FARS2: variants seen among roughly 807,000 people sequenced by gnomAD.
FARS2 encodes the protein phenylalanyl-tRNA synthetase 2, mitochondrial, also known as phenylalanine--tRNA ligase, mitochondrial.
Under a neutral mutation model 46.4 loss-of-function variants are expected in FARS2, and 40 were observed. That is an observed-to-expected ratio of 0.86 (90% CI 0.67 to 1.12). FARS2 has a LOEUF of 1.12. FARS2 is among the 50% of genes most tolerant of loss of function. The pLI, the probability that FARS2 is intolerant of heterozygous loss-of-function variation, is 0.00. For missense variants in FARS2, 513 were observed against 567.9 expected, an observed-to-expected ratio of 0.90 and a Z score of 0.98; for synonymous variants, 234 against 214.9, an observed-to-expected ratio of 1.09 and a Z score of -0.78.
Position 5,341,579 on chromosome 6 carries a change from C to T in FARS2, c.-21-26971C>T, listed in dbSNP as rs556339181. ...TGTTGCCCAGGCTGGAGTGCAGTGG[C>T]GTGATCTTGGCTCACTACAACCTCC... On this transcript the variant is annotated intron_variant, in intron 1 of 6. Transcript: ENST00000274680. Among the ~76,000 whole-genome samples the T allele has an allele frequency of 1.2e-4, 18 of 151,636 alleles. No homozygotes were observed. In the South Asian group the frequency reaches 3.1e-3, roughly 26 times the overall value.
intron 1 of FARS2, among the ~76,000 whole-genome samples, chr6:5,358,114 G>T (rs1758053677): frequency 6.6e-6 from 1 of 152,072 alleles, no homozygotes. Flanking sequence ...TAACCTGGAG[G>T]CTATTTCTTC....
At chr6:5,503,380 A>G (rs1467149932) in intron 4 of FARS2, among the ~76,000 whole-genome samples, 2 of 56,354 alleles carry the variant, frequency 3.5e-5, no homozygotes, top group African/African-American at 2.4e-4. Flanking sequence ...CTTAACACAC[A>G]CACACACACA....
intron 4 of FARS2, among the ~76,000 whole-genome samples, chr6:5,451,519 G>A (rs528938821): frequency 6.6e-6 from 1 of 152,280 alleles, no homozygotes; most frequent in Non-Finnish European, 1.5e-5. Flanking sequence ...GAAATAGCCA[G>A]TGGAGACTTT....
At chr6:5,328,430 A>G (rs1770552316) in intron 1 of FARS2, among the ~76,000 whole-genome samples, 2 of 152,146 alleles carry the variant, frequency 1.3e-5, no homozygotes, top group Non-Finnish European at 2.9e-5. Context: ...AAGACCTTGA[A>G]ATAGGCTCCT....
chr6:5,548,008 G>A (rs1198392223), intron 5 of FARS2, among the ~76,000 whole-genome samples: 1 of 152,226 alleles, frequency 6.6e-6, no homozygotes, highest in African/African-American at 2.4e-5. Flanking sequence ...GTTCCACATG[G>A]CTGGGGAGGC....
In FARS2 at chr6:5,329,490, C is replaced by T. The variant is rs76549451; in HGVS notation, c.-21-39060C>T. Among the ~76,000 whole-genome samples, 1,308 of 152,186 alleles carry T rather than the reference C, an allele frequency of 8.6e-3. 20 individuals are homozygous for T. The highest frequency in any genetic ancestry group is 0.044 in the South Asian group (211 of 4,818). Reference sequence around the variant, plus strand: ...TTAAATTTTTTTTATGTCAACCAATCATCCAAGTCTCTGGGCACCAACTGA... The same window carrying T: ...TTAAATTTTTTTTATGTCAACCAATTATCCAAGTCTCTGGGCACCAACTGA... On this transcript the variant is annotated intron_variant, in intron 1 of 6. Transcript: ENST00000274680.
At chr6:5,676,376 T>G (rs1453728796) in intron 6 of FARS2, among the ~76,000 whole-genome samples, 1 of 152,244 alleles carries the variant, frequency 6.6e-6, no homozygotes. Flanking sequence ...CATATTAGAC[T>G]GGATACATAT....
chr6:5,263,870 G>T (rs1006009805), intron 1 of FARS2, among the ~76,000 whole-genome samples: 15 of 152,136 alleles, frequency 9.9e-5, no homozygotes, highest in African/African-American at 3.4e-4. Flanking sequence ...ATATCAAAAT[G>T]ATGTATAAAG....
intron 4 of FARS2, among the ~76,000 whole-genome samples, chr6:5,488,472 C>G (rs1010019595): frequency 1.3e-4 from 20 of 152,110 alleles, no homozygotes; most frequent in African/African-American, 4.6e-4. Flanking sequence ...ATTATTTGCT[C>G]TGTACTAATA....
chr6:5,343,003 G>C lies in FARS2; in HGVS notation c.-21-25547G>C, dbSNP rs73718073. ...GCTTACTACAGGCCCGTCATCGACA[G>C]AAGGCAGCTAGTGCCTTACAAGAAA... is the stretch of plus-strand genomic sequence containing the variant. On this transcript the variant is annotated intron_variant, in intron 1 of 6. Transcript: ENST00000274680. This position sits in a 1 kb window ranked among gnomAD's most constrained non-coding sequence, Gnocchi z 4.5. Among the ~76,000 whole-genome samples the C allele has an allele frequency of 3.5e-3, 535 of 152,296 alleles. 4 individuals are homozygous for C. Among genetic ancestry groups the C allele is most frequent in the African/African-American group, 0.012 (504 of 41,574 alleles).
chr6:5,334,236 C>T (rs973469145), intron 1 of FARS2, among the ~76,000 whole-genome samples: 4 of 152,104 alleles, frequency 2.6e-5, no homozygotes, highest in African/African-American at 9.7e-5. Context: ...CACAGTGGTA[C>T]AAAGGGTGCA....
chr6:5,537,885 T>C (rs1770319886), intron 4 of FARS2, among the ~76,000 whole-genome samples: 1 of 152,194 alleles, frequency 6.6e-6, no homozygotes, highest in East Asian at 1.9e-4. Flanking sequence ...TCTCCTTTTT[T>C]TTTAAAGTTT....
intron 6 of FARS2, among the ~76,000 whole-genome samples, chr6:5,686,251 T>C (rs1757197222): frequency 6.6e-6 from 1 of 152,148 alleles, no homozygotes; most frequent in Non-Finnish European, 1.5e-5. Context: ...GTGCACAACA[T>C]GCAGGTTTGT....
chr6:5,308,468 G>A (rs988995763), intron 1 of FARS2, among the ~76,000 whole-genome samples: 1 of 152,180 alleles, frequency 6.6e-6, no homozygotes, highest in Admixed American at 6.5e-5. Flanking sequence ...ACCATCTCTG[G>A]TAAAGGGCCA....
In FARS2 at chr6:5,426,031, TC is replaced by T. The variant is rs1582069510; in HGVS notation, c.773-5008del. 3.3e-5 allele frequency among the ~76,000 whole-genome samples: 5 copies of T among 152,230 alleles called. No individual in the cohort carries two copies. The East Asian group carries it at 9.6e-4, about 29-fold the overall frequency. On this transcript the variant is annotated intron_variant, in intron 3 of 6. Transcript: ENST00000274680. ...GCTTGAACCCAGGTGTGGTTTTTTTTCCTAAAGTATACTTTCTTTTATGTGG... is the reference window on the plus strand; with the variant it reads ...GCTTGAACCCAGGTGTGGTTTTTTTTCTAAAGTATACTTTCTTTTATGTGG...
chr6:5,682,184 A>G (rs1779068168), intron 6 of FARS2, among the ~76,000 whole-genome samples: 1 of 152,238 alleles, frequency 6.6e-6, no homozygotes, highest in Admixed American at 6.5e-5. Context: ...AAATGACAAT[A>G]ACTAGGTTGC....
At chr6:5,431,523 G>A (rs1763165530) in intron 4 of FARS2, 1 of 421,144 alleles carries the variant, frequency 2.4e-6, no homozygotes, top group Admixed American at 2.8e-5. Context: ...GACTATTTAA[G>A]AACAAAGACA....
At chr6:5,718,645 T>C (rs1364083820) in intron 6 of FARS2, among the ~76,000 whole-genome samples, 1 of 152,160 alleles carries the variant, frequency 6.6e-6, no homozygotes. Flanking sequence ...TTTTACCTAA[T>C]TGAGCCAGAA....
At chr6:5,700,914 C>T (rs539377430) in intron 6 of FARS2, among the ~76,000 whole-genome samples, 1 of 152,292 alleles carries the variant, frequency 6.6e-6, no homozygotes, top group African/African-American at 2.4e-5. Context: ...TGTTGTAAAA[C>T]CTTACCCACT....
Sources: allele counts gnomAD v4.1 joint callset (sites outside exome capture counted in the v4.1 genomes callset), GRCh38; gene constraint gnomAD v4.1.1; non-coding constraint Gnocchi (gnomAD v3.1); transcripts MANE v1.5; gene names NCBI Gene and HGNC (gene_info 2026-07-23, HGNC 2026-07-21).